GNA15: variants seen among roughly 807,000 people sequenced by gnomAD.
The protein encoded by GNA15 is G protein subunit alpha 15.
Under a neutral mutation model 40.1 loss-of-function variants are expected in GNA15, and 23 were observed. That is an observed-to-expected ratio of 0.57 (90% confidence interval 0.41 to 0.81). The LOEUF (loss-of-function observed/expected upper bound fraction) is 0.81, where lower values mean the gene tolerates loss of function less well. Ranked by LOEUF, GNA15 falls within the 40% of genes least tolerant of loss-of-function variation. GNA15 has a pLI of 0.00. For synonymous variants in GNA15, 226 were observed against 210.4 expected (o/e 1.07, Z -0.64); for missense variants, 522 against 515.8 (o/e 1.01, Z -0.12).
At chr19:3,156,163 GACACACACACACACACAC>G (rs141415003) in intron 5 of GNA15, among the ~76,000 whole-genome samples, 22 of 135,946 alleles carry the variant, frequency 1.6e-4, no homozygotes, top group African/African-American at 5.5e-4. Context: ...CAGGACCCCA[GACACACACACACACACAC>G]ACACACACAC....
At chr19:3,140,946 G>A (rs1434235276) in intron 1 of GNA15, among the ~76,000 whole-genome samples, 1 of 152,226 alleles carries the variant, frequency 6.6e-6, no homozygotes, top group African/African-American at 2.4e-5. Context: ...TAGCACTGTG[G>A]ACTGTGGTTT....
At chr19:3,138,994 G>A (rs955300155) in intron 1 of GNA15, among the ~76,000 whole-genome samples, 6 of 139,296 alleles carry the variant, frequency 4.3e-5, no homozygotes, top group Non-Finnish European at 9.2e-5. Flanking sequence ...CCCCCAGGTT[G>A]GAGTGCAGTG....
chr19:3,156,417 A>C (rs1305263835), intron 5 of GNA15, among the ~76,000 whole-genome samples: 1 of 121,928 alleles, frequency 8.2e-6, no homozygotes, highest in East Asian at 2.0e-4. Context: ...GCGCACACAC[A>C]TGAACACACA....
chr19:3,156,736 TC>T (rs1915039375), intron 5 of GNA15, among the ~76,000 whole-genome samples: 1 of 151,992 alleles, frequency 6.6e-6, no homozygotes, highest in African/African-American at 2.4e-5. Context: ...GACCTCGTGA[TC>T]CGCCCGCCTC....
In GNA15 at chr19:3,163,427, C is replaced by T. The variant is rs1915186817; in HGVS notation, c.*408C>T. On this transcript the variant is annotated 3_prime_UTR_variant, in exon 7 of 7. Transcript: ENST00000262958. Reference sequence around the variant, plus strand: ...CACCCTGGGATGGGGCTAGTAGAGCCTTCAGGCGCCTTCGGGCGTGGACTC... The same window carrying T: ...CACCCTGGGATGGGGCTAGTAGAGCTTTCAGGCGCCTTCGGGCGTGGACTC... 4.2e-6 allele frequency: 1 copy of T among 236,804 alleles called. No homozygotes were observed. Among genetic ancestry groups the T allele is most frequent in the South Asian group, 5.3e-5 (1 of 18,718 alleles). The allele number at this position is 236,804 out of a possible 1,614,324, so 14.7% of individuals were successfully genotyped here.
chr19:3,162,098 C>T lies in GNA15; in HGVS notation c.899-695C>T, dbSNP rs149123823. ...TGATAACAGCAGCTAACACATCTAC[C>T]GCACTGGTGGAAGCACTCTACAAAG... On this transcript the variant is annotated intron_variant, in intron 6 of 6. Transcript: ENST00000262958. 5.4e-3 allele frequency among the ~76,000 whole-genome samples: 826 copies of T among 151,932 alleles called. 6 individuals are homozygous for T. The highest frequency in any genetic ancestry group is 7.5e-3 in the Non-Finnish European group (512 of 67,982).
intron 4 of GNA15, among the ~76,000 whole-genome samples, chr19:3,154,488 G>C (rs1914962570): frequency 6.6e-6 from 1 of 150,636 alleles, no homozygotes; most frequent in African/African-American, 2.4e-5. Context: ...GGACAGATGG[G>C]TGGATGGATG....
At position 3,151,550 on chromosome 19, in the gene GNA15, G is replaced by T. The variant is rs1914880729; in HGVS notation, c.486-157G>T. Among the ~76,000 whole-genome samples the T allele has an allele frequency of 1.3e-5, 2 of 152,088 alleles. No individual in the cohort carries two copies. The highest frequency in any genetic ancestry group is 2.9e-5 in the Non-Finnish European group (2 of 67,986). On this transcript the variant is annotated intron_variant, in intron 3 of 6. Coordinates refer to ENST00000262958, the MANE Select transcript of GNA15 (RefSeq NM_002068.4). This position sits in a 1 kb window ranked among gnomAD's most constrained non-coding sequence, Gnocchi z 5.0. ...TCCTTGGGGCTCCATTGCCTCAGGT[G>T]GGGGACGCTCCTGGGCCATCTGCCA...
At chr19:3,153,029 G>A (rs184047460) in intron 4 of GNA15, among the ~76,000 whole-genome samples, 2 of 152,126 alleles carry the variant, frequency 1.3e-5, no homozygotes, top group Non-Finnish European at 2.9e-5. Context: ...CCCCTTCCAC[G>A]CTGTGGAAGC....
intron 6 of GNA15, among the ~76,000 whole-genome samples, chr19:3,161,257 A>G (rs910949122): frequency 6.6e-6 from 1 of 152,148 alleles, no homozygotes; most frequent in Non-Finnish European, 1.5e-5. Context: ...CCTGGCCATG[A>G]CCTAATTTAA....
chr19:3,147,666 G>C (rs1012364776), intron 1 of GNA15, among the ~76,000 whole-genome samples: 1 of 152,012 alleles, frequency 6.6e-6, no homozygotes, highest in African/African-American at 2.4e-5. Context: ...CAGCACTTTG[G>C]GAGGCCGAGG....
At chr19:3,149,925 T>G in intron 2 of GNA15, 1 of 524,048 alleles carries the variant, frequency 1.9e-6, no homozygotes, top group Non-Finnish European at 3.4e-6. Flanking sequence ...CATGTGGTGG[T>G]CTGTGCTTTT....
chr19:3,162,385 C>G (rs1221189658), intron 6 of GNA15, among the ~76,000 whole-genome samples: 1 of 87,766 alleles, frequency 1.1e-5, no homozygotes, highest in South Asian at 3.0e-4. Context: ...GGCCCCATCT[C>G]AAGAAAAAAA....
intron 5 of GNA15, among the ~76,000 whole-genome samples, chr19:3,156,525 C>A (rs1317721587): frequency 6.6e-6 from 1 of 152,084 alleles, no homozygotes; most frequent in East Asian, 1.9e-4. Flanking sequence ...CACACATGCA[C>A]GCACACGCAC....
At chr19:3,161,476 C>T (rs1296879359) in intron 6 of GNA15, among the ~76,000 whole-genome samples, 1 of 152,108 alleles carries the variant, frequency 6.6e-6, no homozygotes, top group Non-Finnish European at 1.5e-5. Flanking sequence ...CTTGTCATGT[C>T]TCAGAGCCCA....
chr19:3,144,779 T>G (rs541391565), intron 1 of GNA15, among the ~76,000 whole-genome samples: 1 of 151,610 alleles, frequency 6.6e-6, no homozygotes, highest in Non-Finnish European at 1.5e-5. Context: ...CCGCCCGCCT[T>G]GGCCTCCCAT....
chr19:3,136,232 T>G lies in GNA15; in HGVS notation c.-219T>G, dbSNP rs1179611155. Reference sequence around the variant, plus strand: ...TCCCCACCTCCTCCCGTCCCCACCCTGTTCCCAGCACTCAAGCCTTGCCAC... The same window carrying G: ...TCCCCACCTCCTCCCGTCCCCACCCGGTTCCCAGCACTCAAGCCTTGCCAC... On this transcript the variant is annotated 5_prime_UTR_variant, in exon 1 of 7. Transcript: ENST00000262958. The surrounding 1 kb of genome is among the most constrained non-coding windows in gnomAD (Gnocchi z 4.9). The G allele has an allele frequency of 4.0e-6, 2 of 502,926 alleles. No homozygotes were observed. Among genetic ancestry groups the G allele is most frequent in the South Asian group, 4.4e-5 (2 of 45,352 alleles). The allele number at this position is 502,926 out of a possible 1,614,324, so 31.2% of individuals were successfully genotyped here. A position where few individuals can be genotyped will look rare whatever the true frequency, so the allele number is the denominator to read the frequency against.
intron 6 of GNA15, among the ~76,000 whole-genome samples, chr19:3,162,194 T>G (rs1915153434): frequency 6.6e-6 from 1 of 151,026 alleles, no homozygotes; most frequent in Non-Finnish European, 1.5e-5. Context: ...ATCCCAGCGC[T>G]TTGGGGGGGT....
intron 1 of GNA15, among the ~76,000 whole-genome samples, chr19:3,137,196 C>A (rs1914478293): frequency 6.6e-6 from 1 of 152,228 alleles, no homozygotes; most frequent in African/African-American, 2.4e-5. Flanking sequence ...CTTCCTGGAT[C>A]TCATTTCCTG....
Sources: gnomAD v4.1 joint callset for allele counts (sites outside exome capture counted in the v4.1 genomes callset) on GRCh38, gnomAD v4.1.1 for gene constraint, Gnocchi (gnomAD v3.1) non-coding constraint, MANE v1.5 for transcripts, NCBI Gene and HGNC (gene_info 2026-07-23, HGNC 2026-07-21) for gene names.